ASXL2: variants seen among roughly 807,000 people sequenced by gnomAD.
ASXL2 encodes putative Polycomb group protein ASXL2.
In ASXL2, 23 loss-of-function variants were observed where a neutral mutation model predicts 122.0. The observed-to-expected ratio is 0.19, with a 90% CI of 0.14 to 0.27. The LOEUF (loss-of-function observed/expected upper bound fraction) is 0.27, where lower values mean the gene tolerates loss of function less well. ASXL2 is among the 10% of genes least tolerant of loss of function. The pLI is 1.00. For missense variants in ASXL2, 1,518 were observed against 1,713.8 expected (o/e 0.89, Z 2.02); for synonymous variants, 650 against 637.0 (o/e 1.02, Z -0.31).
At chr2:25,791,659 C>T (rs1290684234) in intron 5 of ASXL2, among the ~76,000 whole-genome samples, 5 of 151,846 alleles carry the variant, frequency 3.3e-5, no homozygotes, top group Non-Finnish European at 7.4e-5. Flanking sequence ...ATCTTCTTGC[C>T]TTTATATATG....
rs1247966103 is a variant in ASXL2 at position 25,767,677 on chromosome 2, G to A, written c.681C>T (p.Asn227=). The A allele has an allele frequency of 6.2e-7, 1 of 1,613,972 alleles. No homozygotes were observed. Among genetic ancestry groups the A allele is most frequent in the South Asian group, 1.1e-5 (1 of 91,088 alleles). Residue 227 remains asparagine (N), a synonymous_variant, in exon 8 of 13, where the codon AAC becomes AAT. Transcript: ENST00000435504. The part of the protein sequence containing the change: ...QSDGQTGSPQ[N]SNSSFSSSVK... ...CTGAGGAAGAAAAGCTGGAGTTTGA[G>A]TTTTGAGGGCTGCCTGTCTGTCCAT... is the stretch of plus-strand genomic sequence containing the variant.
Position 25,742,196 on chromosome 2 carries a change from T to A in ASXL2, c.4141A>T (p.Thr1381Ser). Residue 1381 changes from threonine to serine, a missense_variant, in exon 13 of 13, where the codon ACC becomes TCC. Physicochemically the swap from Thr to Ser is moderately conservative, Grantham distance 58 (BLOSUM62 1). Coordinates refer to ENST00000435504, the MANE Select transcript of ASXL2 (RefSeq NM_018263.6). ...TCGGAGAACGCCTGAACAGGAATGGTCTGGCCATGGCTGCTGGGATTCATA... is the reference window on the plus strand; with the variant it reads ...TCGGAGAACGCCTGAACAGGAATGGACTGGCCATGGCTGCTGGGATTCATA... ...QAMNPSSHGQTIPVQAFSEEN... is the reference protein window; with the variant it reads ...QAMNPSSHGQSIPVQAFSEEN... 1 of 1,614,038 alleles carries A rather than the reference T, an allele frequency of 6.2e-7. No homozygotes were observed. Among genetic ancestry groups the A allele is most frequent in the Non-Finnish European group, 8.5e-7 (1 of 1,179,892 alleles).
chr2:25,773,552 G>A (rs774328756), intron 5 of ASXL2, among the ~76,000 whole-genome samples: 7 of 151,360 alleles, frequency 4.6e-5, no homozygotes, highest in African/African-American at 1.5e-4. Flanking sequence ...TGTAGTCCCA[G>A]CTACTCAGGA....
intron 8 of ASXL2, among the ~76,000 whole-genome samples, chr2:25,765,841 C>T (rs1489082521): frequency 6.6e-6 from 1 of 152,128 alleles, no homozygotes; most frequent in Non-Finnish European, 1.5e-5. Flanking sequence ...CTGTGTTTGG[C>T]TTATTAGCAT....
chr2:25,749,551 G>T (rs930127636), intron 12 of ASXL2, 145 bp downstream of exon 12: 4 of 637,856 alleles, frequency 6.3e-6, no homozygotes, highest in Non-Finnish European at 7.5e-6. Context: ...TTTTATTTGT[G>T]TAAGACCATA....
chr2:25,842,616 G>A (rs1343600762), intron 2 of ASXL2, among the ~76,000 whole-genome samples: 4 of 151,852 alleles, frequency 2.6e-5, no homozygotes, highest in Admixed American at 2.0e-4. Context: ...GCCTCCCAAA[G>A]TGCTGGGATT....
chr2:25,863,328 C>CAAAAAAAAAAAAA (rs2089861429), intron 1 of ASXL2, among the ~76,000 whole-genome samples: 1 of 142,042 alleles, frequency 7.0e-6, no homozygotes, highest in African/African-American at 2.6e-5. Flanking sequence ...GACTCCATCT[C>CAAAAAAAAAAAAA]CAAAAAAAAA....
At chr2:25,770,615 C>T (rs1176847735) in intron 6 of ASXL2, among the ~76,000 whole-genome samples, 3 of 152,018 alleles carry the variant, frequency 2.0e-5, no homozygotes, top group Non-Finnish European at 4.4e-5. Flanking sequence ...ATTAGCCAGG[C>T]GTGGTGATGG....
Position 25,743,755 on chromosome 2 carries a change from G to A in ASXL2, c.2582C>T (p.Pro861Leu), listed in dbSNP as rs2087887648. Residue 861 changes from proline (P) to leucine (L), a missense_variant, in exon 13 of 13, where the codon CCT (proline) becomes CTT (leucine). Pro to Leu is a moderately conservative substitution (Grantham distance 98). This residue lies in a region of ASXL2 where 831 missense variants were observed against 833.1 expected (regional missense o/e 1.00). Coordinates refer to ENST00000435504, the MANE Select transcript of ASXL2 (RefSeq NM_018263.6). ...TGAAGGGTTAGGTATATTCTTACTA[G>A]GACCTGCTTTGAGCTCAACTGTGCC... The part of the protein sequence containing the change: ...ADGTVELKAG[P>L]SKNIPNPSAS... 1 of 1,613,992 alleles carries A rather than the reference G, an allele frequency of 6.2e-7. No homozygotes were observed. Among genetic ancestry groups the A allele is most frequent in the Non-Finnish European group, 8.5e-7 (1 of 1,179,896 alleles).
chr2:25,790,944 C>G (rs62127683), intron 5 of ASXL2, among the ~76,000 whole-genome samples: 1 of 151,388 alleles, frequency 6.6e-6, no homozygotes, highest in African/African-American at 2.4e-5. Flanking sequence ...GCTGGGACTA[C>G]GGGTGTGCAC....
At chr2:25,810,333 A>C (rs1457808395) in intron 3 of ASXL2, 5 of 661,966 alleles carry the variant, frequency 7.6e-6, no homozygotes, top group African/African-American at 1.8e-5. Context: ...AGCTTCTTTG[A>C]GTTGGATTTC....
At chr2:25,780,063 C>G (rs1164906293) in intron 5 of ASXL2, among the ~76,000 whole-genome samples, 1 of 152,160 alleles carries the variant, frequency 6.6e-6, no homozygotes, top group East Asian at 1.9e-4. Flanking sequence ...TGGGGTTTCA[C>G]CATGTTGGCC....
Position 25,742,687 on chromosome 2 carries a change from C to G in ASXL2, c.3650G>C (p.Arg1217Thr), listed in dbSNP as rs772709414. 4.3e-6 allele frequency: 7 copies of G among 1,613,966 alleles called. No individual in the cohort carries two copies. The South Asian group carries it at 7.7e-5, about 18-fold the overall frequency. ...KGDTSSGPHS[R>T]ETLSTSDCLA... ...GCAATCACTGGTAGATAGAGTTTCC[C>G]TGCTGTGAGGTCCTGAACTTGTGTC... The change falls in exon 13 of 13, where the codon AGG (arginine) becomes ACG (threonine). Residue 1217 changes from arginine (R) to threonine (T), a missense_variant. Around this residue, in one of 8 missense-constraint regions of ASXL2, gnomAD observed 831 missense variants for 833.1 expected, o/e 1.00. Coordinates refer to ENST00000435504, the MANE Select transcript of ASXL2 (RefSeq NM_018263.6).
intron 1 of ASXL2, among the ~76,000 whole-genome samples, chr2:25,867,059 C>A (rs1485752028): frequency 6.6e-6 from 1 of 152,136 alleles, no homozygotes; most frequent in Non-Finnish European, 1.5e-5. Flanking sequence ...TGCCACCATG[C>A]CTGGCTAATT....
chr2:25,743,821 G>C lies in ASXL2; in HGVS notation c.2516C>G (p.Ala839Gly). 2 of 1,614,034 alleles carry C rather than the reference G, an allele frequency of 1.2e-6. No individual in the cohort carries two copies. Among genetic ancestry groups the C allele is most frequent in the Non-Finnish European group, 1.7e-6 (2 of 1,179,902 alleles). ...AACAGGTGAGGCACCTGAGATTAGA[G>C]CAGGACCTGTTGGAGAAGGTGCTTT... Reference protein sequence around the residue: ...QEKAPSPTGPALISGASPVHC... With the variant: ...QEKAPSPTGPGLISGASPVHC... The change falls in exon 13 of 13, where the codon GCT becomes GGT. Residue 839 changes from alanine (A) to glycine (G), a missense_variant. Transcript: ENST00000435504.
At chr2:25,848,797 G>A (rs1188352621) in intron 1 of ASXL2, among the ~76,000 whole-genome samples, 1 of 151,830 alleles carries the variant, frequency 6.6e-6, no homozygotes, top group Non-Finnish European at 1.5e-5. Flanking sequence ...TGTAATCCCA[G>A]TACTTTGGGA....
chr2:25,864,245 C>A (rs72801885), intron 1 of ASXL2, among the ~76,000 whole-genome samples: 2 of 152,016 alleles, frequency 1.3e-5, no homozygotes, highest in African/African-American at 2.4e-5. Context: ...CCAGGCGATA[C>A]GCCTTCAATT....
intron 11 of ASXL2, among the ~76,000 whole-genome samples, chr2:25,751,917 G>A (rs2088053725): frequency 6.6e-6 from 1 of 151,928 alleles, no homozygotes; most frequent in Non-Finnish European, 1.5e-5. Context: ...CTACAGGTAC[G>A]CACCACTACA....
intron 2 of ASXL2, among the ~76,000 whole-genome samples, chr2:25,843,703 G>A (rs1348821648): frequency 2.0e-5 from 3 of 151,054 alleles, no homozygotes; most frequent in Non-Finnish European, 4.4e-5. Context: ...TCAGGAGGCA[G>A]AGATGAGAGA....
Sources: gnomAD v4.1 joint callset for allele counts (sites outside exome capture counted in the v4.1 genomes callset) on GRCh38, gnomAD v4.1.1 for gene constraint, gnomAD v4.1.1 regional missense constraint, MANE v1.5 for transcripts, NCBI Gene and HGNC (gene_info 2026-07-23, HGNC 2026-07-21) for gene names.